ADAMTS12: variants seen among roughly 807,000 people sequenced by gnomAD.
ADAMTS12 encodes ADAM metallopeptidase with thrombospondin type 1 motif 12.
In ADAMTS12, 118 loss-of-function variants were observed where a neutral mutation model predicts 167.8. The observed-to-expected ratio is 0.70, with a 90% CI of 0.61 to 0.82. The LOEUF is 0.82. Among genes scored for constraint, ADAMTS12 ranks in the 40% least tolerant of loss-of-function variants. The probability of loss-of-function intolerance (pLI) is 0.00; values close to 1 mark genes in which losing one functional copy is unlikely to be tolerated. For synonymous variants in ADAMTS12, 704 were observed against 716.9 expected (o/e 0.98, Z 0.29); for missense variants, 1,916 against 1,998.8 (o/e 0.96, Z 0.79).
At chr5:33,888,540 T>A (rs941398884) in intron 1 of ADAMTS12, among the ~76,000 whole-genome samples, 1 of 152,256 alleles carries the variant, frequency 6.6e-6, no homozygotes. Flanking sequence ...AGAATTTTTT[T>A]AATAGAATAC....
intron 19 of ADAMTS12, among the ~76,000 whole-genome samples, chr5:33,572,005 G>C (rs1579684315): frequency 6.6e-6 from 1 of 152,284 alleles, no homozygotes; most frequent in Non-Finnish European, 1.5e-5. Context: ...TAGAAGAAAT[G>C]GATAAATTCC....
intron 5 of ADAMTS12, 51 bp from the exon 6 acceptor site, chr5:33,662,091 G>A: frequency 6.3e-7 from 1 of 1,591,834 alleles, no homozygotes. Context: ...CTGTGGTCAG[G>A]GACCATTGCA....
chr5:33,544,380 G>A (rs966024824), intron 22 of ADAMTS12, among the ~76,000 whole-genome samples: 4 of 152,090 alleles, frequency 2.6e-5, no homozygotes, highest in African/African-American at 9.7e-5. Context: ...ACAAATGGAA[G>A]AACATTCCAT....
At chr5:33,591,081 AGT>A (rs34067228) in intron 17 of ADAMTS12, among the ~76,000 whole-genome samples, 44,578 of 115,132 alleles carry the variant, frequency 0.39, 7,275 homozygotes, top group African/African-American at 0.51. Flanking sequence ...TAAATGTCTA[AGT>A]GTGTGTGTGT....
intron 2 of ADAMTS12, among the ~76,000 whole-genome samples, chr5:33,814,770 G>A (rs868404308): frequency 4.2e-4 from 64 of 152,264 alleles, no homozygotes; most frequent in African/African-American, 1.3e-3. Flanking sequence ...ATAACTTCAC[G>A]TCAACTGCGT....
chr5:33,643,321 C>T (rs550429753), intron 10 of ADAMTS12, 57 bp downstream of exon 10: 1 of 1,576,268 alleles, frequency 6.3e-7, no homozygotes, highest in Admixed American at 1.7e-5. Context: ...CTCCTCAGCT[C>T]CTCCCAAGAA....
intron 3 of ADAMTS12, among the ~76,000 whole-genome samples, chr5:33,710,319 A>G (rs1211518524): frequency 1.3e-5 from 2 of 152,176 alleles, no homozygotes; most frequent in African/African-American, 4.8e-5. Context: ...GCCATATAAG[A>G]CAGCCTAAGA....
intron 2 of ADAMTS12, among the ~76,000 whole-genome samples, chr5:33,813,246 C>CT (rs780633135): frequency 1.3e-5 from 2 of 152,126 alleles, no homozygotes; most frequent in African/African-American, 2.4e-5. Context: ...TGTTTGTCTG[C>CT]TTTTTTCATT....
intron 1 of ADAMTS12, among the ~76,000 whole-genome samples, chr5:33,885,820 T>C (rs1750615953): frequency 6.6e-6 from 1 of 151,998 alleles, no homozygotes; most frequent in South Asian, 2.1e-4. Flanking sequence ...GAAAGCAAAA[T>C]GAGTTTGGAG....
Position 33,549,198 on chromosome 5 carries a change from G to C in ADAMTS12, c.4302+9C>G, listed in dbSNP as rs1225662238. On this transcript the variant is annotated intron_variant, in intron 21 of 23. Transcript: ENST00000504830. ...TGTGAGGACATCTCTCCCTTTGTGG[G>C]GGACCTACCTGGCTCCAAGGCTCCA... The C allele has an allele frequency of 6.2e-7, 1 of 1,610,754 alleles. No individual in the cohort carries two copies. Among genetic ancestry groups the C allele is most frequent in the Non-Finnish European group, 8.5e-7 (1 of 1,177,426 alleles).
chr5:33,665,047 A>AAT (rs929837310), intron 5 of ADAMTS12, among the ~76,000 whole-genome samples: 8 of 151,814 alleles, frequency 5.3e-5, no homozygotes, highest in African/African-American at 9.7e-5. Context: ...AAAGGAAAGA[A>AAT]ATATATATAT....
chr5:33,759,298 C>T (rs1206928311), intron 2 of ADAMTS12, among the ~76,000 whole-genome samples: 1 of 152,202 alleles, frequency 6.6e-6, no homozygotes, highest in East Asian at 1.9e-4. Flanking sequence ...TCCTGGCCTC[C>T]TGTATTTCCT....
chr5:33,631,994 G>A (rs1739964525), intron 12 of ADAMTS12, among the ~76,000 whole-genome samples: 1 of 152,120 alleles, frequency 6.6e-6, no homozygotes, highest in Admixed American at 6.6e-5. Flanking sequence ...GCTTGAGGTT[G>A]CAGTGATTCA....
chr5:33,545,519 T>C (rs138688095), intron 22 of ADAMTS12, among the ~76,000 whole-genome samples: 7,957 of 152,158 alleles, frequency 0.052, 708 homozygotes, highest in African/African-American at 0.18. Context: ...GGGTATATTC[T>C]CAAAGAATTA....
At chr5:33,799,423 T>C (rs1746908490) in intron 2 of ADAMTS12, among the ~76,000 whole-genome samples, 1 of 152,192 alleles carries the variant, frequency 6.6e-6, no homozygotes, top group Non-Finnish European at 1.5e-5. Context: ...CTCCCTCCTG[T>C]GTGTGCAAGA....
At chr5:33,831,689 T>A (rs1389052448) in intron 2 of ADAMTS12, among the ~76,000 whole-genome samples, 1 of 152,224 alleles carries the variant, frequency 6.6e-6, no homozygotes, top group Non-Finnish European at 1.5e-5. Flanking sequence ...ACCAATAGAA[T>A]AATAGCTGAA....
At chr5:33,808,712 G>A (rs1747332834) in intron 2 of ADAMTS12, among the ~76,000 whole-genome samples, 1 of 152,138 alleles carries the variant, frequency 6.6e-6, no homozygotes, top group Admixed American at 6.5e-5. Flanking sequence ...GATATAAAAT[G>A]TTTTTCTTAT....
At chr5:33,680,231 A>T (rs1742058515) in intron 5 of ADAMTS12, among the ~76,000 whole-genome samples, 1 of 152,206 alleles carries the variant, frequency 6.6e-6, no homozygotes, top group African/African-American at 2.4e-5. Flanking sequence ...GAAGAGGAGA[A>T]ACAATGTGAT....
chr5:33,574,055 T>A (rs1301885955), intron 19 of ADAMTS12, among the ~76,000 whole-genome samples: 1 of 152,050 alleles, frequency 6.6e-6, no homozygotes, highest in African/African-American at 2.4e-5. Context: ...AGATACCATC[T>A]CACACCAGTT....
Sources: gnomAD v4.1 joint callset for allele counts (sites outside exome capture counted in the v4.1 genomes callset) on GRCh38, gnomAD v4.1.1 for gene constraint, MANE v1.5 for transcripts, NCBI Gene and HGNC (gene_info 2026-07-23, HGNC 2026-07-21) for gene names.